The following ANKRD23 variants were observed in gnomAD, a reference collection of about 807,000 sequenced individuals.
ANKRD23 encodes the protein ankyrin repeat domain 23.
In ANKRD23, 52 loss-of-function variants were observed where a neutral mutation model predicts 38.1. The ratio of observed to expected loss-of-function variants is 1.36; its 90% CI spans 1.09 to 1.72. The LOEUF is 1.72. Ranked by LOEUF, ANKRD23 falls within the 40% of genes most tolerant of loss-of-function variation. The probability of loss-of-function intolerance (pLI) is 0.00; values close to 1 mark genes in which losing one functional copy is unlikely to be tolerated. For missense variants in ANKRD23, 416 were observed against 400.2 expected (o/e 1.04, Z -0.34); for synonymous variants, 167 against 162.9 (o/e 1.03, Z -0.19).
At position 96,838,024 on chromosome 2, in the gene ANKRD23, T is replaced by C. The variant is rs900538423; in HGVS notation, c.*1525A>G. ...TGAGGAGTTGTCTTCTCCATGGTCT[T>C]GAACGCCTGCTTCGCCATGGCACCA... On this transcript the variant is annotated 3_prime_UTR_variant, in exon 9 of 9. Coordinates refer to ENST00000318357, the MANE Select transcript of ANKRD23 (RefSeq NM_144994.8). 6.6e-6 allele frequency: 1 copy of C among 152,352 alleles called. No homozygotes were observed. The highest frequency in any genetic ancestry group is 1.5e-5 in the Non-Finnish European group (1 of 68,110). 9.4% of individuals were successfully genotyped at this position (152,352 alleles called of 1,614,324 possible).
Position 96,840,452 on chromosome 2 carries a change from C to T in ANKRD23, c.489G>A (p.Leu163=). 6.2e-7 allele frequency: 1 copy of T among 1,614,120 alleles called. No individual in the cohort carries two copies. The highest frequency in any genetic ancestry group is 8.5e-7 in the Non-Finnish European group (1 of 1,180,026). The change falls in exon 5 of 9, where the codon CTG becomes CTA. Residue 163 remains leucine, a synonymous_variant. Transcript: ENST00000318357. Reference sequence around the variant, plus strand: ...CGTCCACTGTGGCACCTGCCACCAGCAGCTTGTTCACCAGCTGGCTGTGAC... The same window carrying T: ...CGTCCACTGTGGCACCTGCCACCAGTAGCTTGTTCACCAGCTGGCTGTGAC... ...LKGHSQLVNK[L]LVAGATVDAR...
rs1290095940 is a variant in ANKRD23 at position 96,839,630 on chromosome 2, C to T, written c.837G>A (p.Pro279=). Residue 279 remains proline (P), a synonymous_variant, in exon 9 of 9, where the codon CCG becomes CCA. Transcript: ENST00000318357. ...GCTGCCAGTCTCGAGCCAGCTGCAC[C>T]GGGGTCACGGAGGCCTGGGAGCAAC... is the stretch of plus-strand genomic sequence containing the variant. ...LGVRNAASVT[P]VQLARDWQRG... 6.6e-6 allele frequency: 10 copies of T among 1,510,644 alleles called. No individual in the cohort carries two copies. Among genetic ancestry groups the T allele is most frequent in the Admixed American group, 2.2e-5 (1 of 46,046 alleles). The allele number at this position is 1,510,644 out of a possible 1,614,324, so 93.6% of individuals were successfully genotyped here. A position where few individuals can be genotyped will look rare whatever the true frequency, so the allele number is the denominator to read the frequency against.
chr2:96,839,783 A>G lies in ANKRD23; in HGVS notation c.766T>C (p.Tyr256His). 1 of 1,613,390 alleles carries G rather than the reference A, an allele frequency of 6.2e-7. No individual in the cohort carries two copies. Among genetic ancestry groups the G allele is most frequent in the South Asian group, 1.1e-5 (1 of 91,046 alleles). ...ALHEAVRHGS[Y>H]KAMKLLLLYG... ...AGCAGCAGTAGCTTCATGGCTTTGT[A>G]GCTGCCGTGCCGCACGGCCTCGTGC... The change falls in exon 8 of 9, where the codon TAC (tyrosine) becomes CAC (histidine). Residue 256 changes from tyrosine to histidine, a missense_variant. Physicochemically the swap from Tyr to His is moderately conservative, Grantham distance 83. Transcript: ENST00000318357.
Position 96,839,842 on chromosome 2 carries a change from C to A in ANKRD23, c.724-17G>T, listed in dbSNP as rs370902350. The A allele has an allele frequency of 6.2e-7, 1 of 1,608,154 alleles. No individual in the cohort carries two copies. The highest frequency in any genetic ancestry group is 8.5e-7 in the Non-Finnish European group (1 of 1,177,572). On this transcript the variant is annotated splice_polypyrimidine_tract_variant and intron_variant, in intron 7 of 8. Coordinates refer to ENST00000318357, the MANE Select transcript of ANKRD23 (RefSeq NM_144994.8). ...GTCCCCTTCCTGCTGAGAACGCAGG[C>A]AGTCAAGCTTCTGCCTCCGCGTGCT...
At chr2:96,842,207 T>G in intron 2 of ANKRD23, 22 bp from the exon 3 acceptor site, 1 of 1,613,608 alleles carries the variant, frequency 6.2e-7, no homozygotes. Context: ...GACAAGACCA[T>G]GCCAGCCATC....
rs1442007051 is a variant in ANKRD23 at position 96,839,538 on chromosome 2, C to T, written c.*11G>A. The T allele has an allele frequency of 5.6e-6, 8 of 1,428,496 alleles. No individual in the cohort carries two copies. The highest frequency in any genetic ancestry group is 1.5e-5 in the African/African-American group (1 of 68,056). The allele number at this position is 1,428,496 out of a possible 1,614,324, so 88.5% of individuals were successfully genotyped here. ...GCAGTGCGAAAGGCGCGGCGGGGGG[C>T]GGTGCTGCGGTCAGCACCGGGTGCG... On this transcript the variant is annotated 3_prime_UTR_variant, in exon 9 of 9. Coordinates refer to ENST00000318357, the MANE Select transcript of ANKRD23 (RefSeq NM_144994.8).
In ANKRD23 at chr2:96,840,303, AG is replaced by A. The variant is rs778695344; in HGVS notation, c.552del (p.Cys185AlafsTer52). The A allele has an allele frequency of 6.2e-7, 1 of 1,609,214 alleles. No homozygotes were observed. Among genetic ancestry groups the A allele is most frequent in the Non-Finnish European group, 8.5e-7 (1 of 1,177,512 alleles). On this transcript the variant is annotated frameshift_variant, in exon 6 of 9. Transcript: ENST00000318357. LOFTEE classifies it high-confidence loss of function. ...AGGATGACCAGATGTCCTCCGCGGC[AG>A]GCCCAGAACACAGGTGTCCTGTCCA... ...DLLDRTPVFWACRGGHLVILK... is the reference protein window; with the variant it reads ...DLLDRTPVFWXCRGGHLVILK...
rs767919060 is a variant in ANKRD23, at chr2:96,840,248, A to C, written c.608T>G (p.Val203Gly). 3.1e-6 allele frequency: 5 copies of C among 1,610,854 alleles called. No homozygotes were observed. Among genetic ancestry groups the C allele is most frequent in the African/African-American group, 1.3e-5 (1 of 74,842 alleles). ...GCCCCTCACCTTGTCCCGGGCATTG[A>C]CCCGGGCTCCCTGGTTAAGCAGCTG... ...LKQLLNQGAR[V>G]NARDKIGSTP... is the part of the protein sequence containing the mutation. Residue 203 changes from valine to glycine, a missense_variant, in exon 6 of 9, where the codon GTC (valine) becomes GGC (glycine). Physicochemically the swap from Val to Gly is moderately radical, Grantham distance 109. Coordinates refer to ENST00000318357, the MANE Select transcript of ANKRD23 (RefSeq NM_144994.8).
intron 1 of ANKRD23, 85 bp from the exon 2 acceptor site, chr2:96,842,596 T>G: frequency 6.7e-7 from 1 of 1,487,732 alleles, no homozygotes; most frequent in Non-Finnish European, 9.0e-7. Flanking sequence ...GGGAGCTGTC[T>G]TATAAGGGCA....
rs575337549 is a variant in ANKRD23, at chr2:96,838,745, G to A, written c.*804C>T. ...CCCATGAGAGCCGCCAGCAGGCAAC[G>A]GTGTGCCAGGCCGGCCTGAGCGGGG... On this transcript the variant is annotated 3_prime_UTR_variant, in exon 9 of 9. Transcript: ENST00000318357. The A allele has an allele frequency of 1.9e-5, 19 of 985,634 alleles. No homozygotes were observed. In the East Asian group the frequency reaches 1.7e-3, roughly 88 times the overall value. 61.1% of individuals were successfully genotyped at this position (985,634 alleles called of 1,614,324 possible). A position where few individuals can be genotyped will look rare whatever the true frequency, so the allele number is the denominator to read the frequency against.
chr2:96,839,971 C>G (rs1294012070), intron 7 of ANKRD23, 26 bp downstream of exon 7: 15 of 1,551,582 alleles, frequency 9.7e-6, no homozygotes, highest in Non-Finnish European at 1.0e-5. Context: ...CTGTCCGAGC[C>G]GGAAAAGACC....
chr2:96,840,941 A>G, intron 3 of ANKRD23, 29 bp from the exon 4 acceptor site: 2 of 1,606,420 alleles, frequency 1.2e-6, no homozygotes, highest in Middle Eastern at 3.3e-4. Flanking sequence ...AGACCAAATC[A>G]CTCCCGAAGG....
Position 96,840,097 on chromosome 2 carries a change from T to C in ANKRD23, c.625-2A>G, listed in dbSNP as rs765031163. The C allele has an allele frequency of 6.4e-7, 1 of 1,553,342 alleles. No homozygotes were observed. Among genetic ancestry groups the C allele is most frequent in the Non-Finnish European group, 8.7e-7 (1 of 1,147,770 alleles). ...CACGTGCAGGGGGGTGCTCCCGATCTGAGAGCAAGTGGGGGTCAGTGCTGG... is the reference window on the plus strand; with the variant it reads ...CACGTGCAGGGGGGTGCTCCCGATCCGAGAGCAAGTGGGGGTCAGTGCTGG... On this transcript the variant is annotated splice_acceptor_variant, in intron 6 of 8. Coordinates refer to ENST00000318357, the MANE Select transcript of ANKRD23 (RefSeq NM_144994.8). LOFTEE classifies it high-confidence loss of function.
At chr2:96,840,680 A>T (rs958444529) in intron 4 of ANKRD23, 107 bp downstream of exon 4, 3 of 1,552,422 alleles carry the variant, frequency 1.9e-6, no homozygotes, top group Admixed American at 1.7e-5. Context: ...ATTCATGCCC[A>T]TAAGAGTGAA....
At chr2:96,840,946 C>A in intron 3 of ANKRD23, 34 bp from the exon 4 acceptor site, 1 of 1,607,538 alleles carries the variant, frequency 6.2e-7, no homozygotes, top group South Asian at 1.1e-5. Context: ...AAATCACTCC[C>A]GAAGGCCGCA....
rs928275813 is a variant in ANKRD23, at chr2:96,838,177, GCC to G, written c.*1370_*1371del. 1 of 222,504 alleles carries G rather than the reference GCC, an allele frequency of 4.5e-6. No individual in the cohort carries two copies. The highest frequency in any genetic ancestry group is 6.5e-5 in the Admixed American group (1 of 15,362). The allele number at this position is 222,504 out of a possible 1,614,324, so 13.8% of individuals were successfully genotyped here. A position where few individuals can be genotyped will look rare whatever the true frequency, so the allele number is the denominator to read the frequency against. On this transcript the variant is annotated 3_prime_UTR_variant, in exon 9 of 9. Transcript: ENST00000318357. Reference sequence around the variant, plus strand: ...ACAGCCTTGTTCTGGGCCTGAGAAGGCCCCCAAAGGTAGACGAAAAGGAACCA... The same window carrying G: ...ACAGCCTTGTTCTGGGCCTGAGAAGGCCCAAAGGTAGACGAAAAGGAACCA...
In ANKRD23 at chr2:96,842,479, C is replaced by G. The variant is rs752422487; in HGVS notation, c.60G>C (p.Leu20Phe). ...VSGERVEGKV[L>F]GFGHGVPDPG... Reference sequence around the variant, plus strand: ...GGTCAGGAACTCCATGTCCAAATCCCAACACTTTCCCTTCAACTCTTTCTC... The same window carrying G: ...GGTCAGGAACTCCATGTCCAAATCCGAACACTTTCCCTTCAACTCTTTCTC... Residue 20 changes from leucine (L) to phenylalanine (F), a missense_variant, in exon 2 of 9, where the codon TTG (leucine) becomes TTC (phenylalanine). By Grantham distance (22) the Leu-to-Phe change is conservative (BLOSUM62 0). Coordinates refer to ENST00000318357, the MANE Select transcript of ANKRD23 (RefSeq NM_144994.8). 4.3e-6 allele frequency: 7 copies of G among 1,614,112 alleles called. No individual in the cohort carries two copies. The highest frequency in any genetic ancestry group is 1.6e-4 in the Middle Eastern group (1 of 6,062).
Position 96,838,258 on chromosome 2 carries a change from G to A in ANKRD23, c.*1291C>T, listed in dbSNP as rs2079715549. On this transcript the variant is annotated 3_prime_UTR_variant, in exon 9 of 9. Coordinates refer to ENST00000318357, the MANE Select transcript of ANKRD23 (RefSeq NM_144994.8). The stretch of plus-strand genomic sequence containing the variant: ...ACCTAATGTAACCCAGGACCCATGT[G>A]AGGGAGGCTGAGCCTTCACCTTTCA... 1.3e-5 allele frequency: 10 copies of A among 775,738 alleles called. No homozygotes were observed. Among genetic ancestry groups the A allele is most frequent in the Non-Finnish European group, 1.6e-5 (10 of 636,468 alleles). 48.1% of individuals were successfully genotyped at this position (775,738 alleles called of 1,614,324 possible).
At chr2:96,841,431 C>A (rs2079759317) in intron 3 of ANKRD23, among the ~76,000 whole-genome samples, 1 of 151,724 alleles carries the variant, frequency 6.6e-6, no homozygotes, top group Non-Finnish European at 1.5e-5. Context: ...CCCATCTCTA[C>A]TAAAAATACA....
Sources: allele counts gnomAD v4.1 joint callset (sites outside exome capture counted in the v4.1 genomes callset), GRCh38; gene constraint gnomAD v4.1.1; transcripts MANE v1.5; gene names NCBI Gene and HGNC (gene_info 2026-07-23, HGNC 2026-07-21).